CACHD1: variants seen among roughly 807,000 people sequenced by gnomAD.
CACHD1 encodes VWFA and cache domain-containing protein 1.
Under a neutral mutation model 138.7 loss-of-function variants are expected in CACHD1, and 71 were observed. The observed-to-expected ratio is 0.51, with a 90% confidence interval of 0.42 to 0.62. CACHD1 has a LOEUF of 0.62. Among genes scored for constraint, CACHD1 ranks in the 20% least tolerant of loss-of-function variants. The pLI is 0.00. For synonymous variants in CACHD1, 578 were observed against 591.5 expected (o/e 0.98, Z 0.33); for missense variants, 1,389 against 1,625.3 (o/e 0.85, Z 2.50).
intron 2 of CACHD1, among the ~76,000 whole-genome samples, chr1:64,565,305 T>C (rs1041186325): frequency 2.0e-5 from 3 of 152,010 alleles, no homozygotes; most frequent in Admixed American, 6.6e-5. Flanking sequence ...TTGATTGTGC[T>C]TGCTAAATGT....
At chr1:64,546,543 C>T (rs1364469716) in intron 1 of CACHD1, among the ~76,000 whole-genome samples, 1 of 152,008 alleles carries the variant, frequency 6.6e-6, no homozygotes, top group Non-Finnish European at 1.5e-5. Flanking sequence ...CTATGTTGGC[C>T]AGGCTGGTCT....
rs143976950 is a variant in CACHD1, at chr1:64,548,545, G to T, written c.199-2049G>T. 7.9e-4 allele frequency among the ~76,000 whole-genome samples: 120 copies of T among 152,234 alleles called. 2 individuals carry two copies. In the Middle Eastern group the frequency reaches 0.017, roughly 22 times the overall value. ...AACTAAGATGTCCCCCAAAGATCTGGGAGAGGTCTGTGGGTTCTTAATCCT... is the reference window on the plus strand; with the variant it reads ...AACTAAGATGTCCCCCAAAGATCTGTGAGAGGTCTGTGGGTTCTTAATCCT... On this transcript the variant is annotated intron_variant, in intron 1 of 26. Transcript: ENST00000651257.
intron 1 of CACHD1, among the ~76,000 whole-genome samples, chr1:64,503,573 G>A (rs553237005): frequency 6.6e-6 from 1 of 152,298 alleles, no homozygotes; most frequent in Admixed American, 6.5e-5. Context: ...CAAATGCTGT[G>A]TAGCATGGTG....
At chr1:64,503,814 C>A (rs1018236705) in intron 1 of CACHD1, among the ~76,000 whole-genome samples, 1 of 152,076 alleles carries the variant, frequency 6.6e-6, no homozygotes. Flanking sequence ...ATGGGGAGAT[C>A]ATTGTTTTGG....
chr1:64,627,609 C>G (rs1306446393), intron 4 of CACHD1, among the ~76,000 whole-genome samples: 2 of 152,124 alleles, frequency 1.3e-5, no homozygotes, highest in African/African-American at 4.8e-5. Context: ...CCATCACCCC[C>G]ACAATATCCT....
chr1:64,533,085 G>A (rs1239984654), intron 1 of CACHD1, among the ~76,000 whole-genome samples: 2 of 152,218 alleles, frequency 1.3e-5, no homozygotes, highest in Non-Finnish European at 2.9e-5. Flanking sequence ...GCCAGGCATG[G>A]TGGCTCATAC....
rs79223499 is a variant in CACHD1 at position 64,650,425 on chromosome 1, C to G, written c.1391-1736C>G. ...TTACAACCTATTTATCCTGGGAGAC[C>G]TGGGAAAAACCTTCTCCAAAATGCA... is the stretch of plus-strand genomic sequence containing the variant. On this transcript the variant is annotated intron_variant, in intron 9 of 26. Coordinates refer to ENST00000651257, the MANE Select transcript of CACHD1 (RefSeq NM_020925.4). Among the ~76,000 whole-genome samples the G allele has an allele frequency of 3.6e-3, 543 of 152,266 alleles. 1 individual carries two copies. The highest frequency in any genetic ancestry group is 0.013 in the African/African-American group (530 of 41,540).
intron 1 of CACHD1, among the ~76,000 whole-genome samples, chr1:64,498,872 C>T (rs1646322033): frequency 6.6e-6 from 1 of 152,190 alleles, no homozygotes; most frequent in South Asian, 2.1e-4. Flanking sequence ...TAATCGTGTG[C>T]TTAAAGTACA....
chr1:64,647,872 G>A lies in CACHD1; in HGVS notation c.1228G>A (p.Val410Met), dbSNP rs1648961724. Reference protein sequence around the residue: ...LAEQNSGKYGVPDRMALPVIK... With the variant: ...LAEQNSGKYGMPDRMALPVIK... ...TGAACAGAATTCAGGGAAGTACGGT[G>A]TGCCAGACCGGATGGCCTTGCCTGT... is the stretch of plus-strand genomic sequence containing the variant. Residue 410 changes from valine (V) to methionine (M), a missense_variant, in exon 9 of 27, where the codon GTG becomes ATG. By Grantham distance (21) the Val-to-Met change is conservative. Transcript: ENST00000651257. 1 of 1,614,160 alleles carries A rather than the reference G, an allele frequency of 6.2e-7. No homozygotes were observed. The highest frequency in any genetic ancestry group is 8.5e-7 in the Non-Finnish European group (1 of 1,180,014).
At chr1:64,554,103 C>T (rs1646779476) in intron 2 of CACHD1, among the ~76,000 whole-genome samples, 2 of 152,196 alleles carry the variant, frequency 1.3e-5, no homozygotes, top group African/African-American at 4.8e-5. Context: ...ACGATCATTG[C>T]CCATTGCAGC....
intron 4 of CACHD1, among the ~76,000 whole-genome samples, chr1:64,620,460 A>G (rs1647869204): frequency 6.6e-6 from 1 of 152,224 alleles, no homozygotes; most frequent in Non-Finnish European, 1.5e-5. Flanking sequence ...GATAGAATTA[A>G]GAGATTCATC....
intron 1 of CACHD1, among the ~76,000 whole-genome samples, chr1:64,479,680 G>A (rs1422554984): frequency 2.0e-5 from 3 of 152,168 alleles, no homozygotes; most frequent in African/African-American, 7.2e-5. Context: ...ACCCTATGCG[G>A]TTGAAGTGTC....
At chr1:64,559,984 G>C (rs1646826761) in intron 2 of CACHD1, among the ~76,000 whole-genome samples, 1 of 152,110 alleles carries the variant, frequency 6.6e-6, no homozygotes, top group African/African-American at 2.4e-5. Context: ...AAATTTGTTG[G>C]CATAAAGGTG....
At chr1:64,576,750 G>A (rs911554394) in intron 2 of CACHD1, among the ~76,000 whole-genome samples, 17 of 152,166 alleles carry the variant, frequency 1.1e-4, no homozygotes, top group African/African-American at 3.9e-4. Flanking sequence ...GGAAAATACT[G>A]AATTCTGAAG....
rs114934903 is a variant in CACHD1, at chr1:64,639,211, C to T, written c.1007-2609C>T. Among the ~76,000 whole-genome samples the T allele has an allele frequency of 3.7e-3, 565 of 152,326 alleles. 1 individual carries two copies. The highest frequency in any genetic ancestry group is 0.017 in the Middle Eastern group (5 of 294). On this transcript the variant is annotated intron_variant, in intron 7 of 26. Transcript: ENST00000651257. ...TTTGCCATGAGGAGATGGTTTGTGTCATACCATAGATCCTCCTCATGCTGT... is the reference window on the plus strand; with the variant it reads ...TTTGCCATGAGGAGATGGTTTGTGTTATACCATAGATCCTCCTCATGCTGT...
chr1:64,647,921 T>A lies in CACHD1; in HGVS notation c.1277T>A (p.Leu426Gln). The change falls in exon 9 of 27, where the codon CTG becomes CAG. Residue 426 changes from leucine to glutamine, a missense_variant. Coordinates refer to ENST00000651257, the MANE Select transcript of CACHD1 (RefSeq NM_020925.4). ...LPVIKGSMMV[L>Q]NQLSNLETTV... ...GTGATTAAGGGCAGCATGATGGTGCTGAATCAGTTGAGCAACCTGGAGACC... is the reference window on the plus strand; with the variant it reads ...GTGATTAAGGGCAGCATGATGGTGCAGAATCAGTTGAGCAACCTGGAGACC... The A allele has an allele frequency of 6.2e-7, 1 of 1,614,128 alleles. No individual in the cohort carries two copies. Among genetic ancestry groups the A allele is most frequent in the South Asian group, 1.1e-5 (1 of 91,068 alleles).
chr1:64,633,381 A>G (rs1309173679), intron 6 of CACHD1, among the ~76,000 whole-genome samples: 1 of 152,204 alleles, frequency 6.6e-6, no homozygotes, highest in Admixed American at 6.5e-5. Flanking sequence ...GCTTAGTCTT[A>G]TACTTCTTTA....
intron 17 of CACHD1, among the ~76,000 whole-genome samples, chr1:64,672,586 A>G (rs1316682199): frequency 6.6e-6 from 1 of 152,204 alleles, no homozygotes; most frequent in African/African-American, 2.4e-5. Context: ...AGATATATAT[A>G]GGGAAAAACC....
chr1:64,569,556 G>C (rs1646909901), intron 2 of CACHD1, among the ~76,000 whole-genome samples: 2 of 152,068 alleles, frequency 1.3e-5, no homozygotes, highest in Admixed American at 6.5e-5. Flanking sequence ...GGCCCAGCTG[G>C]AGAGGAGCAG....
Sources: allele counts gnomAD v4.1 joint callset (sites outside exome capture counted in the v4.1 genomes callset), GRCh38; gene constraint gnomAD v4.1.1; transcripts MANE v1.5; gene names NCBI Gene and HGNC (gene_info 2026-07-23, HGNC 2026-07-21).